The following SCFD2 variants were observed in gnomAD, a reference collection of about 807,000 sequenced individuals.
The protein encoded by SCFD2 is sec1 family domain containing 2.
SCFD2 carries 54 observed loss-of-function variants against 58.9 expected under a neutral mutation model. The observed-to-expected ratio is 0.92, with a 90% confidence interval of 0.74 to 1.15. The LOEUF is 1.15. Among genes scored for constraint, SCFD2 ranks in the 50% most tolerant of loss-of-function variants. The probability of loss-of-function intolerance (pLI) is 0.00; values close to 1 mark genes in which losing one functional copy is unlikely to be tolerated. For synonymous variants in SCFD2, 321 were observed against 335.9 expected (o/e 0.96, Z 0.49); for missense variants, 805 against 836.6 (o/e 0.96, Z 0.47).
chr4:53,089,842 A>G (rs1371728452), intron 5 of SCFD2, among the ~76,000 whole-genome samples: 1 of 152,226 alleles, frequency 6.6e-6, no homozygotes, highest in African/African-American at 2.4e-5. Context: ...TTATTAATTC[A>G]CAGAACATGT....
chr4:53,295,887 G>A (rs1732012878), intron 3 of SCFD2, among the ~76,000 whole-genome samples: 1 of 152,188 alleles, frequency 6.6e-6, no homozygotes, highest in Admixed American at 6.5e-5. Flanking sequence ...TGCATCTATT[G>A]AGATAATCAT....
intron 4 of SCFD2, among the ~76,000 whole-genome samples, chr4:53,202,767 T>C (rs1304647804): frequency 4.6e-5 from 7 of 152,198 alleles, no homozygotes; most frequent in Non-Finnish European, 8.8e-5. Context: ...GATTCCTAGG[T>C]ATTTTATTCT....
At chr4:53,158,219 T>A (rs1560362282) in intron 4 of SCFD2, among the ~76,000 whole-genome samples, 1 of 152,176 alleles carries the variant, frequency 6.6e-6, no homozygotes, top group Non-Finnish European at 1.5e-5. Context: ...CAAAGTGAAA[T>A]AAGCTATCCT....
At chr4:53,044,708 G>T (rs1186079489) in intron 5 of SCFD2, among the ~76,000 whole-genome samples, 1 of 146,332 alleles carries the variant, frequency 6.8e-6, no homozygotes, top group African/African-American at 2.5e-5. Context: ...GTAATTCCTT[G>T]CCAAGCCTTT....
chr4:53,200,442 T>A (rs1728194014), intron 4 of SCFD2, among the ~76,000 whole-genome samples: 1 of 152,052 alleles, frequency 6.6e-6, no homozygotes, highest in African/African-American at 2.4e-5. Context: ...ACTATTAAAG[T>A]AGATTTCAAA....
chr4:53,242,099 C>T (rs568558576), intron 4 of SCFD2, among the ~76,000 whole-genome samples: 1 of 152,386 alleles, frequency 6.6e-6, no homozygotes, highest in African/African-American at 2.4e-5. Context: ...CCAGCACCCA[C>T]TAGCATCCTG....
intron 4 of SCFD2, among the ~76,000 whole-genome samples, chr4:53,211,241 GAAAAA>G (rs55830697): frequency 1.4e-5 from 2 of 142,014 alleles, no homozygotes; most frequent in Admixed American, 7.0e-5. Context: ...GACTCCATGT[GAAAAA>G]AAAAAAAAAA....
At chr4:53,140,930 G>T (rs1271847364) in intron 5 of SCFD2, among the ~76,000 whole-genome samples, 1 of 152,052 alleles carries the variant, frequency 6.6e-6, no homozygotes, top group African/African-American at 2.4e-5. Flanking sequence ...TTACTTTCTT[G>T]ATCCTATCAA....
chr4:52,944,492 A>T (rs1018440588), intron 5 of SCFD2, among the ~76,000 whole-genome samples: 3 of 152,234 alleles, frequency 2.0e-5, no homozygotes, highest in African/African-American at 7.2e-5. Flanking sequence ...TAACTATATT[A>T]TTCAGTTCTT....
intron 5 of SCFD2, among the ~76,000 whole-genome samples, chr4:52,955,251 A>G (rs1013121794): frequency 6.6e-6 from 1 of 152,200 alleles, no homozygotes; most frequent in Non-Finnish European, 1.5e-5. Context: ...CAGTGCTAAG[A>G]GCAAGAGGTC....
At chr4:53,150,924 G>T (rs1726487651) in intron 4 of SCFD2, among the ~76,000 whole-genome samples, 1 of 152,156 alleles carries the variant, frequency 6.6e-6, no homozygotes, top group Admixed American at 6.5e-5. Flanking sequence ...ACCTGATTTA[G>T]GAATATATAA....
In SCFD2 at chr4:52,880,616, C is replaced by CAA. The variant is rs33961681; in HGVS notation, c.1962+5129_1962+5130dup. Among the ~76,000 whole-genome samples, 1,070 of 119,114 alleles carry CAA rather than the reference C, an allele frequency of 9.0e-3. 18 individuals are homozygous for CAA. Among genetic ancestry groups the CAA allele is most frequent in the African/African-American group, 0.032 (1,015 of 32,120 alleles). The allele number at this position is 119,114 out of a possible 152,430, so 78.1% of individuals were successfully genotyped here. The stretch of plus-strand genomic sequence containing the variant: ...TGGGTGACAGAGTGAGACCCTGTCT[C>CAA]AAAAAAAAAAAAAAAGAAAAAGAAA... On this transcript the variant is annotated intron_variant, in intron 8 of 8. Transcript: ENST00000401642.
chr4:53,047,095 A>G lies in SCFD2; in HGVS notation c.1561+98238T>C, dbSNP rs1393558284. ...TTCCAAAAATTGTTCTATAACTTAA[A>G]GATCATAGATTTAAAAAACACAAAG... On this transcript the variant is annotated intron_variant, in intron 5 of 8. Coordinates refer to ENST00000401642, the MANE Select transcript of SCFD2 (RefSeq NM_152540.4). Among the ~76,000 whole-genome samples the G allele has an allele frequency of 3.3e-5, 5 of 152,226 alleles. No individual in the cohort carries two copies. The East Asian group carries it at 9.6e-4, about 29-fold the overall frequency.
intron 7 of SCFD2, among the ~76,000 whole-genome samples, 197 bp from the exon 8 acceptor site, chr4:52,886,063 C>T (rs369171518): frequency 8.5e-5 from 13 of 152,268 alleles, no homozygotes; most frequent in Middle Eastern, 3.4e-3. Flanking sequence ...CTACAAGTCC[C>T]GGGTAAATCC....
intron 8 of SCFD2, among the ~76,000 whole-genome samples, chr4:52,881,507 T>C (rs374767374): frequency 2.2e-4 from 33 of 152,342 alleles, no homozygotes; most frequent in African/African-American, 7.5e-4. Context: ...GTCACTGTTC[T>C]GTCCTTAGCA....
At chr4:53,244,356 C>T (rs1225578444) in intron 4 of SCFD2, among the ~76,000 whole-genome samples, 3 of 152,094 alleles carry the variant, frequency 2.0e-5, no homozygotes, top group African/African-American at 7.2e-5. Context: ...ATCCAATCCT[C>T]AGTAAATGCA....
intron 5 of SCFD2, among the ~76,000 whole-genome samples, chr4:53,107,408 C>G (rs1345638873): frequency 2.0e-5 from 3 of 151,974 alleles, no homozygotes; most frequent in African/African-American, 7.3e-5. Flanking sequence ...GGCCAAATGC[C>G]CCAAATAAAA....
intron 3 of SCFD2, among the ~76,000 whole-genome samples, chr4:53,279,414 C>A (rs150766821): frequency 9.9e-4 from 150 of 152,196 alleles, no homozygotes; most frequent in African/African-American, 3.5e-3. Context: ...CCATACCTGG[C>A]CCTTATTTCA....
At chr4:53,290,479 T>C (rs1731804219) in intron 3 of SCFD2, among the ~76,000 whole-genome samples, 1 of 152,124 alleles carries the variant, frequency 6.6e-6, no homozygotes, top group Non-Finnish European at 1.5e-5. Context: ...ATAGCAGTTC[T>C]AACAGGAGAG....
Sources: gnomAD v4.1 joint callset for allele counts (sites outside exome capture counted in the v4.1 genomes callset) on GRCh38, gnomAD v4.1.1 for gene constraint, MANE v1.5 for transcripts, NCBI Gene and HGNC (gene_info 2026-07-23, HGNC 2026-07-21) for gene names.